ZDHHC14: variants seen among roughly 807,000 people sequenced by gnomAD.
The protein encoded by ZDHHC14 is zDHHC palmitoyltransferase 14.
In ZDHHC14, 16 loss-of-function variants were observed where a neutral mutation model predicts 47.7. The observed-to-expected ratio is 0.34, with a 90% CI of 0.23 to 0.51. ZDHHC14 has a LOEUF of 0.51. ZDHHC14 is among the 20% of genes least tolerant of loss of function. The probability of loss-of-function intolerance (pLI) is 0.97; values close to 1 mark genes in which losing one functional copy is unlikely to be tolerated. For synonymous variants in ZDHHC14, 293 were observed against 278.9 expected, an observed-to-expected ratio of 1.05 and a Z score of -0.50; for missense variants, 515 against 662.5, an observed-to-expected ratio of 0.78 and a Z score of 2.44.
chr6:157,497,128 T>A (rs1780087530), intron 1 of ZDHHC14, among the ~76,000 whole-genome samples: 1 of 152,166 alleles, frequency 6.6e-6, no homozygotes, highest in Admixed American at 6.5e-5. Context: ...AAAAACGTGA[T>A]GATTTGGAAG....
At chr6:157,450,717 T>C (rs898584787) in intron 1 of ZDHHC14, among the ~76,000 whole-genome samples, 3 of 152,156 alleles carry the variant, frequency 2.0e-5, no homozygotes, top group African/African-American at 4.8e-5. Context: ...ATCTTGAGAA[T>C]TGGATTTCAG....
chr6:157,403,847 G>A (rs1777692685), intron 1 of ZDHHC14, among the ~76,000 whole-genome samples: 1 of 152,232 alleles, frequency 6.6e-6, no homozygotes, highest in Admixed American at 6.5e-5. Flanking sequence ...AAGCCTCATG[G>A]ACCCGCCTGC....
chr6:157,574,914 T>C (rs1250980870), intron 2 of ZDHHC14, among the ~76,000 whole-genome samples: 1 of 152,258 alleles, frequency 6.6e-6, no homozygotes, highest in Non-Finnish European at 1.5e-5. Context: ...TCTTGGCCTC[T>C]GTATTATTCA....
At chr6:157,415,583 T>C (rs1376015825) in intron 1 of ZDHHC14, among the ~76,000 whole-genome samples, 1 of 152,188 alleles carries the variant, frequency 6.6e-6, no homozygotes, top group Non-Finnish European at 1.5e-5. Context: ...GGATTAAAAG[T>C]TGGTGGCAAG....
At chr6:157,480,273 G>GTTTTTTTTTTTTTTTTTTTTTTTTTT (rs1779593649) in intron 1 of ZDHHC14, among the ~76,000 whole-genome samples, 1 of 93,890 alleles carries the variant, frequency 1.1e-5, no homozygotes, top group Non-Finnish European at 2.4e-5. Flanking sequence ...TTTTTTTTTT[G>GTTTTTTTTTTTTTTTTTTTTTTTTTT]CTTTTTTTTT....
chr6:157,571,273 A>G (rs1419216568), intron 2 of ZDHHC14, among the ~76,000 whole-genome samples: 1 of 152,212 alleles, frequency 6.6e-6, no homozygotes. Flanking sequence ...ACCTAAAATC[A>G]GCATGCACTC....
At chr6:157,667,477 A>G (rs762087522) in intron 8 of ZDHHC14, among the ~76,000 whole-genome samples, 17 of 152,204 alleles carry the variant, frequency 1.1e-4, no homozygotes, top group Non-Finnish European at 2.5e-4. Flanking sequence ...AGAAAAAGAG[A>G]AGACGGAAAA....
intron 1 of ZDHHC14, among the ~76,000 whole-genome samples, chr6:157,406,348 C>G (rs574731799): frequency 1.0e-3 from 152 of 152,274 alleles, no homozygotes; most frequent in Non-Finnish European, 2.0e-3. Flanking sequence ...TCAGGTATTG[C>G]TATAAGTAGG....
At chr6:157,554,316 G>A (rs967625321) in intron 2 of ZDHHC14, among the ~76,000 whole-genome samples, 6 of 152,342 alleles carry the variant, frequency 3.9e-5, no homozygotes, top group Admixed American at 1.3e-4. Context: ...CTTGGTGGAC[G>A]ATGAGTGGCA....
chr6:157,644,739 C>T (rs1044313423), intron 5 of ZDHHC14, among the ~76,000 whole-genome samples: 8 of 152,306 alleles, frequency 5.3e-5, no homozygotes, highest in South Asian at 2.1e-4. Flanking sequence ...AGAGCAGGCG[C>T]GTTTCTTTCT....
intron 1 of ZDHHC14, among the ~76,000 whole-genome samples, chr6:157,496,270 G>A (rs904069868): frequency 1.3e-5 from 2 of 152,150 alleles, no homozygotes; most frequent in South Asian, 2.1e-4. Flanking sequence ...CACTAGGACT[G>A]TCTCTAGGGT....
Position 157,394,188 on chromosome 6 carries a change from G to A in ZDHHC14, c.245+11922G>A, listed in dbSNP as rs188233431. On this transcript the variant is annotated intron_variant, in intron 1 of 8. Transcript: ENST00000359775. Reference sequence around the variant, plus strand: ...CCTACCCACCGCCATCAGGCTGTACGCCTCCTTTCCTTCCTTGTCTCTTAG... The same window carrying A: ...CCTACCCACCGCCATCAGGCTGTACACCTCCTTTCCTTCCTTGTCTCTTAG... Among the ~76,000 whole-genome samples, 5 of 152,254 alleles carry A rather than the reference G, an allele frequency of 3.3e-5. No homozygotes were observed. In the East Asian group the frequency reaches 5.8e-4, roughly 18 times the overall value.
chr6:157,392,582 G>A (rs1018018699), intron 1 of ZDHHC14, among the ~76,000 whole-genome samples: 1 of 151,636 alleles, frequency 6.6e-6, no homozygotes, highest in Non-Finnish European at 1.5e-5. Context: ...TCTAGTCTTC[G>A]GTGCTTACCT....
At chr6:157,626,894 G>A (rs898348082) in intron 3 of ZDHHC14, among the ~76,000 whole-genome samples, 1 of 150,020 alleles carries the variant, frequency 6.7e-6, no homozygotes, top group Non-Finnish European at 1.5e-5. Context: ...TCCAGCTGGG[G>A]GGGGGGCGGC....
At chr6:157,484,323 A>ATATACGTATATATACAT (rs1779715157) in intron 1 of ZDHHC14, among the ~76,000 whole-genome samples, 1 of 136,212 alleles carries the variant, frequency 7.3e-6, no homozygotes, top group Non-Finnish European at 1.6e-5. Context: ...ATACACATAT[A>ATATACGTATATATACAT]TATACGTATA....
intron 2 of ZDHHC14, among the ~76,000 whole-genome samples, chr6:157,585,785 G>A (rs914785954): frequency 2.0e-5 from 3 of 152,240 alleles, no homozygotes; most frequent in Non-Finnish European, 2.9e-5. Flanking sequence ...CTGGCCATGC[G>A]AGGTTGGCTC....
At chr6:157,485,013 C>T (rs1779743895) in intron 1 of ZDHHC14, among the ~76,000 whole-genome samples, 1 of 152,184 alleles carries the variant, frequency 6.6e-6, no homozygotes, top group African/African-American at 2.4e-5. Flanking sequence ...AGGAGAAGCG[C>T]TTGAACCTGG....
chr6:157,532,688 A>G (rs1162152354), intron 1 of ZDHHC14, among the ~76,000 whole-genome samples: 1 of 152,250 alleles, frequency 6.6e-6, no homozygotes, highest in East Asian at 1.9e-4. Flanking sequence ...GAGCTGAGAT[A>G]GGAGATAACC....
At chr6:157,644,667 G>A (rs1289263305) in intron 5 of ZDHHC14, among the ~76,000 whole-genome samples, 1 of 152,218 alleles carries the variant, frequency 6.6e-6, no homozygotes, top group Non-Finnish European at 1.5e-5. Flanking sequence ...CCAGCCTGGA[G>A]AAGATCATCA....
Sources: allele counts gnomAD v4.1 joint callset (sites outside exome capture counted in the v4.1 genomes callset), GRCh38; gene constraint gnomAD v4.1.1; transcripts MANE v1.5; gene names NCBI Gene and HGNC (gene_info 2026-07-23, HGNC 2026-07-21).